The following LRP2 variants were observed in gnomAD, a reference collection of about 807,000 sequenced individuals.
LRP2 encodes LDL receptor related protein 2.
Under a neutral mutation model 531.0 loss-of-function variants are expected in LRP2, and 172 were observed. The ratio of observed to expected loss-of-function variants is 0.32; its 90% CI spans 0.29 to 0.37. The LOEUF is 0.37. Among genes scored for constraint, LRP2 ranks in the 10% least tolerant of loss-of-function variants. LRP2 has a pLI of 1.00. For synonymous variants in LRP2, 1,992 were observed against 2,027.6 expected (o/e 0.98, Z 0.47); for missense variants, 5,167 against 5,868.3 (o/e 0.88, Z 3.90).
chr2:169,308,015 G>T (rs186558938), intron 3 of LRP2, among the ~76,000 whole-genome samples: 2 of 152,196 alleles, frequency 1.3e-5, no homozygotes, highest in South Asian at 4.1e-4. Flanking sequence ...ACTGATGCCC[G>T]CAAGCATGAT....
At chr2:169,212,465 C>T (rs1218054442) in intron 36 of LRP2, among the ~76,000 whole-genome samples, 3 of 151,948 alleles carry the variant, frequency 2.0e-5, no homozygotes, top group Non-Finnish European at 4.4e-5. Context: ...ACAAATCATG[C>T]GAGGATTAGG....
chr2:169,285,041 G>A, intron 9 of LRP2, among the ~76,000 whole-genome samples: 1 of 152,064 alleles, frequency 6.6e-6, no homozygotes, highest in East Asian at 1.9e-4. Flanking sequence ...AGGCACAGTG[G>A]CTCACGCCTA....
intron 68 of LRP2, among the ~76,000 whole-genome samples, chr2:169,150,298 A>AAT (rs1427542759): frequency 6.6e-6 from 1 of 152,256 alleles, no homozygotes; most frequent in East Asian, 1.9e-4. Flanking sequence ...AAGCTAAGCT[A>AAT]ATATGTAAAT....
At chr2:169,321,263 C>T (rs1476974727) in intron 1 of LRP2, among the ~76,000 whole-genome samples, 1 of 152,070 alleles carries the variant, frequency 6.6e-6, no homozygotes, top group Non-Finnish European at 1.5e-5. Flanking sequence ...TTCATCGCAA[C>T]ATTATTTATA....
In LRP2 at chr2:169,362,338, G is replaced by T. The variant is rs200858963; in HGVS notation, c.62C>A (p.Ala21Glu). 267 of 1,566,170 alleles carry T rather than the reference G, an allele frequency of 1.7e-4. No homozygotes were observed. The highest frequency in any genetic ancestry group is 2.2e-4 in the Non-Finnish European group (254 of 1,156,966). The part of the protein sequence containing the change: ...TLLLALVACL[A>E]PASGQECDSA... ...GCTCTTACCTTGGCCACTGGCCGGCGCTAGGCAGGCGACGAGAGCCAGGAG... is the reference window on the plus strand; with the variant it reads ...GCTCTTACCTTGGCCACTGGCCGGCTCTAGGCAGGCGACGAGAGCCAGGAG... The change falls in exon 1 of 79, where the codon GCG becomes GAG. Residue 21 changes from alanine to glutamate, a missense_variant. Coordinates refer to ENST00000649046, the MANE Select transcript of LRP2 (RefSeq NM_004525.3).
At chr2:169,358,777 G>T (rs1686061536) in intron 1 of LRP2, among the ~76,000 whole-genome samples, 1 of 151,900 alleles carries the variant, frequency 6.6e-6, no homozygotes, top group African/African-American at 2.4e-5. Context: ...AGGATCATTT[G>T]AGGCCAAGAG....
intron 16 of LRP2, among the ~76,000 whole-genome samples, chr2:169,259,511 G>C (rs894202498): frequency 6.6e-6 from 1 of 151,896 alleles, no homozygotes; most frequent in Non-Finnish European, 1.5e-5. Context: ...CAACCTTCCA[G>C]AAAAAAATTT....
chr2:169,209,457 T>C lies in LRP2; in HGVS notation c.6465A>G (p.Val2155=). ...NGVRGIAVDW[V]AGNLYFTNAF... is the part of the protein sequence containing the mutation. ...ATCACCATATAGCTTACATACCTGC[T>C]ACCCAATCCACTGCAATACCCCGGA... Residue 2155 remains valine, a synonymous_variant, in exon 38 of 79, where the codon GTA becomes GTG. Transcript: ENST00000649046. 6.2e-7 allele frequency: 1 copy of C among 1,613,938 alleles called. No individual in the cohort carries two copies. Among genetic ancestry groups the C allele is most frequent in the Non-Finnish European group, 8.5e-7 (1 of 1,179,798 alleles).
chr2:169,343,146 G>T (rs1685610068), intron 1 of LRP2, among the ~76,000 whole-genome samples: 1 of 152,150 alleles, frequency 6.6e-6, no homozygotes, highest in African/African-American at 2.4e-5. Context: ...ATAAAACCAA[G>T]TTACAGAAAG....
chr2:169,294,569 C>T (rs1372353868), intron 5 of LRP2, 31 bp downstream of exon 5: 9 of 1,487,518 alleles, frequency 6.1e-6, no homozygotes, highest in African/African-American at 1.4e-5. Context: ...AGCTTCAGCA[C>T]ACAACTGCAC....
At chr2:169,267,687 T>C (rs554616193) in intron 16 of LRP2, among the ~76,000 whole-genome samples, 1 of 152,108 alleles carries the variant, frequency 6.6e-6, no homozygotes, top group South Asian at 2.1e-4. Flanking sequence ...AACATCACAA[T>C]TAAAAGAACT....
Position 169,156,300 on chromosome 2 carries a change from C to T in LRP2, c.12125G>A (p.Arg4042His), listed in dbSNP as rs199874294. Reference sequence around the variant, plus strand: ...CTCAGCTGCACATCGTTTTCCAGGGCGGTCACTCATAGACGTGAAGCCATC... The same window carrying T: ...CTCAGCTGCACATCGTTTTCCAGGGTGGTCACTCATAGACGTGAAGCCATC... Reference protein sequence around the residue: ...CADGFTSMSDRPGKRCAAEGS... With the variant: ...CADGFTSMSDHPGKRCAAEGS... Residue 4042 changes from arginine (R) to histidine (H), a missense_variant, in exon 65 of 79, where the codon CGC (arginine) becomes CAC (histidine). This residue lies in a region of LRP2 where 564 missense variants were observed against 747.7 expected (regional missense o/e 0.75). Coordinates refer to ENST00000649046, the MANE Select transcript of LRP2 (RefSeq NM_004525.3). The T allele has an allele frequency of 5.1e-4, 823 of 1,613,718 alleles. 10 individuals are homozygous for T. The South Asian group carries it at 6.8e-3, about 13-fold the overall frequency.
intron 63 of LRP2, among the ~76,000 whole-genome samples, chr2:169,161,711 AGATTT>A (rs1389739644): frequency 6.6e-6 from 1 of 152,034 alleles, no homozygotes; most frequent in Non-Finnish European, 1.5e-5. Flanking sequence ...TGGGCTCAAG[AGATTT>A]GTCTGCCTCG....
At chr2:169,224,585 G>T (rs535093958) in intron 33 of LRP2, among the ~76,000 whole-genome samples, 5 of 152,138 alleles carry the variant, frequency 3.3e-5, no homozygotes, top group Non-Finnish European at 7.3e-5. Context: ...TATAAATTTG[G>T]TTGAGAACTG....
At chr2:169,143,249 C>A (rs1322178104) in intron 70 of LRP2, among the ~76,000 whole-genome samples, 1 of 152,178 alleles carries the variant, frequency 6.6e-6, no homozygotes, top group Non-Finnish European at 1.5e-5. Flanking sequence ...CCACCCCAAC[C>A]CTCCAAGGAG....
At chr2:169,330,859 A>T (rs996454057) in intron 1 of LRP2, among the ~76,000 whole-genome samples, 11 of 152,196 alleles carry the variant, frequency 7.2e-5, no homozygotes, top group African/African-American at 2.2e-4. Context: ...ATCTAAAAAA[A>T]AAAAACATAA....
In LRP2 at chr2:169,318,854, T is replaced by C. The variant is rs1574252636; in HGVS notation, c.218A>G (p.Lys73Arg). The C allele has an allele frequency of 6.2e-7, 1 of 1,614,152 alleles. No homozygotes were observed. Among genetic ancestry groups the C allele is most frequent in the Non-Finnish European group, 8.5e-7 (1 of 1,180,004 alleles). The stretch of plus-strand genomic sequence containing the variant: ...GATGCATTGTCCCTCACTCTGGCAC[T>C]TGAAATAGCCCTGCTGGCAGGTCAC... Reference protein sequence around the residue: ...AVVTCQQGYFKCQSEGQCIPN... With the variant: ...AVVTCQQGYFRCQSEGQCIPN... The change falls in exon 3 of 79, where the codon AAG becomes AGG. Residue 73 changes from lysine to arginine, a missense_variant. By Grantham distance (26) the Lys-to-Arg change is conservative (BLOSUM62 2). Around this residue, in one of 6 missense-constraint regions of LRP2, gnomAD observed 2,811 missense variants for 3,058.0 expected, o/e 0.92. Transcript: ENST00000649046.
intron 16 of LRP2, among the ~76,000 whole-genome samples, chr2:169,268,813 G>A (rs1028473759): frequency 2.6e-5 from 4 of 152,134 alleles, no homozygotes; most frequent in Non-Finnish European, 5.9e-5. Context: ...AAGTCAAATT[G>A]TCCCTGTTTG....
chr2:169,178,172 T>A (rs893185660), intron 52 of LRP2, 146 bp from the exon 53 acceptor site: 25 of 673,244 alleles, frequency 3.7e-5, no homozygotes, highest in Non-Finnish European at 5.7e-5. Flanking sequence ...AGTCTTTAAT[T>A]AAAACAAAAA....
Sources: allele counts gnomAD v4.1 joint callset (sites outside exome capture counted in the v4.1 genomes callset), GRCh38; gene constraint gnomAD v4.1.1; regional missense constraint gnomAD v4.1.1; transcripts MANE v1.5; gene names NCBI Gene and HGNC (gene_info 2026-07-23, HGNC 2026-07-21).